DNAH11: variants seen among roughly 807,000 people sequenced by gnomAD.
DNAH11 encodes dynein axonemal heavy chain 11, also known as axonemal beta dynein heavy chain 11.
In DNAH11, 442 loss-of-function variants were observed where a neutral mutation model predicts 526.0. That is an observed-to-expected ratio of 0.84 (90% confidence interval 0.78 to 0.91). The LOEUF is 0.91. Among genes scored for constraint, DNAH11 ranks in the 40% least tolerant of loss-of-function variants. The pLI is 0.00. For missense variants in DNAH11, 6,989 were observed against 5,448.7 expected, an observed-to-expected ratio of 1.28 and a Z score of -8.90; for synonymous variants, 2,461 against 1,935.9, an observed-to-expected ratio of 1.27 and a Z score of -7.12.
chr7:21,810,637 G>A (rs540866372), intron 63 of DNAH11, among the ~76,000 whole-genome samples: 1 of 152,234 alleles, frequency 6.6e-6, no homozygotes. Context: ...GACGTATTTG[G>A]ACAAGATAAG....
intron 25 of DNAH11, among the ~76,000 whole-genome samples, chr7:21,628,529 T>G: frequency 6.6e-6 from 1 of 152,158 alleles, no homozygotes; most frequent in East Asian, 1.9e-4. Flanking sequence ...AATGTCTTTT[T>G]GAAATTTGTT....
chr7:21,868,427 C>T (rs1487835266), intron 72 of DNAH11, among the ~76,000 whole-genome samples: 2 of 152,164 alleles, frequency 1.3e-5, no homozygotes, highest in African/African-American at 4.8e-5. Context: ...TAGCTGTGAC[C>T]TGACTGTGCT....
chr7:21,873,428 C>G lies in DNAH11; in HGVS notation c.12122C>G (p.Ser4041Cys), dbSNP rs1253528085. Residue 4041 changes from serine to cysteine, a missense_variant, in exon 74 of 82, where the codon TCC becomes TGC. Ser to Cys is a moderately radical substitution (Grantham distance 112, BLOSUM62 -1). Transcript: ENST00000409508. ...ATCCCTCAAGGACTCCTGGAAAATT[C>G]CATTAAGATCACTAATGAACCCCCA... ...HIIPQGLLEN[S>C]IKITNEPPTG... 2 of 1,613,946 alleles carry G rather than the reference C, an allele frequency of 1.2e-6. No homozygotes were observed. Among genetic ancestry groups the G allele is most frequent in the Admixed American group, 1.7e-5 (1 of 60,008 alleles).
intron 14 of DNAH11, among the ~76,000 whole-genome samples, chr7:21,595,386 C>T (rs895429691): frequency 6.6e-5 from 10 of 152,142 alleles, no homozygotes; most frequent in Non-Finnish European, 1.2e-4. Context: ...GGCACAGGCA[C>T]GTAACAGATG....
rs111578148 is a variant in DNAH11 at position 21,727,119 on chromosome 7, G to C, written c.7440+1135G>C. Among the ~76,000 whole-genome samples the C allele has an allele frequency of 4.0e-3, 603 of 151,098 alleles. 1 individual carries two copies. The highest frequency in any genetic ancestry group is 0.014 in the African/African-American group (584 of 41,224). ...CGGCTAATGTTTTGTATTTTTAGTA[G>C]AGACGGGGTTTCACCGTGTTAGCCA... On this transcript the variant is annotated intron_variant, in intron 45 of 81. Transcript: ENST00000409508.
chr7:21,864,542 T>C lies in DNAH11; in HGVS notation c.11381T>C (p.Leu3794Ser), dbSNP rs878854435. ...ATTTTGTCTACTCTCAAGATTTTGT[T>C]GAGAAAGAAAGAGATAGACCCTCTT... Reference protein sequence around the residue: ...FLSQMAFQILLRKKEIDPLEL... With the variant: ...FLSQMAFQILSRKKEIDPLEL... The change falls in exon 70 of 82, where the codon TTG (leucine) becomes TCG (serine). Residue 3794 changes from leucine to serine, a missense_variant. Physicochemically the swap from Leu to Ser is moderately radical, Grantham distance 145. Coordinates refer to ENST00000409508, the MANE Select transcript of DNAH11 (RefSeq NM_001277115.2). 6.2e-7 allele frequency: 1 copy of C among 1,611,248 alleles called. No individual in the cohort carries two copies. Among genetic ancestry groups the C allele is most frequent in the Non-Finnish European group, 8.5e-7 (1 of 1,178,708 alleles).
At chr7:21,573,924 G>A (rs1422149818) in intron 8 of DNAH11, among the ~76,000 whole-genome samples, 1 of 152,190 alleles carries the variant, frequency 6.6e-6, no homozygotes, top group Non-Finnish European at 1.5e-5. Context: ...TTGAAATGCT[G>A]TTGTTTATTT....
At chr7:21,881,817 T>G in intron 75 of DNAH11, among the ~76,000 whole-genome samples, 1 of 152,202 alleles carries the variant, frequency 6.6e-6, no homozygotes, top group East Asian at 1.9e-4. Context: ...ATAGATACCC[T>G]TGGTACCTAA....
In DNAH11 at chr7:21,861,912, G is replaced by C. The variant is rs1478476951; in HGVS notation, c.11262G>C (p.Gln3754His). The change falls in exon 69 of 82, where the codon CAG becomes CAC. Residue 3754 changes from glutamine to histidine, a missense_variant. Transcript: ENST00000409508. ...IEQADKVEDMQGRISILMESI... is the reference protein window; with the variant it reads ...IEQADKVEDMHGRISILMESI... ...AGGCTGACAAGGTGGAAGACATGCAGGGACGCATCTCTATCCTGATGGAGA... is the reference window on the plus strand; with the variant it reads ...AGGCTGACAAGGTGGAAGACATGCACGGACGCATCTCTATCCTGATGGAGA... The C allele has an allele frequency of 1.2e-6, 2 of 1,613,408 alleles. No homozygotes were observed. The highest frequency in any genetic ancestry group is 2.7e-5 in the African/African-American group (2 of 74,862).
At chr7:21,821,806 T>C (rs2128002562) in intron 65 of DNAH11, among the ~76,000 whole-genome samples, 1 of 152,212 alleles carries the variant, frequency 6.6e-6, no homozygotes, top group South Asian at 2.1e-4. Context: ...GAATTATTCC[T>C]TCTAACTGTA....
chr7:21,738,867 G>C lies in DNAH11; in HGVS notation c.7811+1G>C, dbSNP rs1306120659. 1 of 1,587,844 alleles carries C rather than the reference G, an allele frequency of 6.3e-7. No homozygotes were observed. The highest frequency in any genetic ancestry group is 8.6e-7 in the Non-Finnish European group (1 of 1,169,348). On this transcript the variant is annotated splice_donor_variant, in intron 47 of 81. Transcript: ENST00000409508. LOFTEE classifies it high-confidence loss of function. ...GGCAGCATATTGATTATGGACATTG[G>C]TAAGCAAGTCTCTGTAGTTTACTCT...
rs183534824 is a variant in DNAH11, at chr7:21,755,066, G to C, written c.8940+4702G>C. Among the ~76,000 whole-genome samples, 362 of 152,232 alleles carry C rather than the reference G, an allele frequency of 2.4e-3. 5 individuals are homozygous for C. The highest frequency in any genetic ancestry group is 3.4e-3 in the Middle Eastern group (1 of 294). On this transcript the variant is annotated intron_variant, in intron 54 of 81. Coordinates refer to ENST00000409508, the MANE Select transcript of DNAH11 (RefSeq NM_001277115.2). Reference sequence around the variant, plus strand: ...TACAGGGGGTTGGTGAACACACCTGGCAGGTCGAGCTAAATGATGTGAAGT... The same window carrying C: ...TACAGGGGGTTGGTGAACACACCTGCCAGGTCGAGCTAAATGATGTGAAGT...
intron 65 of DNAH11, among the ~76,000 whole-genome samples, chr7:21,825,299 A>G (rs1790233092): frequency 6.6e-6 from 1 of 151,014 alleles, no homozygotes; most frequent in South Asian, 2.1e-4. Context: ...ATTACTGAAT[A>G]TTCATGTATA....
At chr7:21,647,379 T>G (rs1035739330) in intron 28 of DNAH11, among the ~76,000 whole-genome samples, 1 of 151,658 alleles carries the variant, frequency 6.6e-6, no homozygotes, top group Non-Finnish European at 1.5e-5. Context: ...GACTTCACAT[T>G]GGAAACAAAG....
At chr7:21,652,948 C>T (rs951499059) in intron 28 of DNAH11, among the ~76,000 whole-genome samples, 4 of 152,102 alleles carry the variant, frequency 2.6e-5, no homozygotes, top group African/African-American at 9.7e-5. Flanking sequence ...GCCTTCTCGG[C>T]TCACTGCAAC....
intron 62 of DNAH11, among the ~76,000 whole-genome samples, chr7:21,803,481 G>T (rs556677712): frequency 6.6e-6 from 1 of 152,128 alleles, no homozygotes; most frequent in South Asian, 2.1e-4. Context: ...TATCAGCTGG[G>T]GTTTTCTCCT....
At chr7:21,763,950 C>T (rs898498469) in intron 54 of DNAH11, among the ~76,000 whole-genome samples, 2 of 151,760 alleles carry the variant, frequency 1.3e-5, no homozygotes, top group Non-Finnish European at 2.9e-5. Flanking sequence ...AGGACAATTA[C>T]TATGTGATTC....
At chr7:21,816,942 G>C (rs780755734) in intron 64 of DNAH11, among the ~76,000 whole-genome samples, 1 of 152,140 alleles carries the variant, frequency 6.6e-6, no homozygotes, top group Non-Finnish European at 1.5e-5. Context: ...CAAACATTGG[G>C]TCTGTGGGGG....
At chr7:21,724,238 T>C (rs573521114) in intron 44 of DNAH11, among the ~76,000 whole-genome samples, 1 of 152,356 alleles carries the variant, frequency 6.6e-6, no homozygotes, top group East Asian at 1.9e-4. Context: ...GACCAACTTT[T>C]GTAGGGTGAA....
Sources: allele counts gnomAD v4.1 joint callset (sites outside exome capture counted in the v4.1 genomes callset), GRCh38; gene constraint gnomAD v4.1.1; transcripts MANE v1.5; gene names NCBI Gene and HGNC (gene_info 2026-07-23, HGNC 2026-07-21).